SPATA21: variants seen among roughly 807,000 people sequenced by gnomAD.
SPATA21 encodes spermatogenesis associated 21.
In SPATA21, 47 loss-of-function variants were observed where a neutral mutation model predicts 54.8. The observed-to-expected ratio is 0.86, with a 90% confidence interval of 0.68 to 1.09. The LOEUF (loss-of-function observed/expected upper bound fraction) is 1.09, where lower values mean the gene tolerates loss of function less well. SPATA21 is among the 50% of genes least tolerant of loss of function. The pLI, the probability that SPATA21 is intolerant of heterozygous loss-of-function variation, is 0.00. For synonymous variants in SPATA21, 245 were observed against 235.3 expected, an observed-to-expected ratio of 1.04 and a Z score of -0.38; for missense variants, 599 against 596.4, an observed-to-expected ratio of 1.00 and a Z score of -0.05.
chr1:16,409,786 GA>G lies in SPATA21; in HGVS notation c.401del (p.Val134AlafsTer57). The G allele has an allele frequency of 2.5e-6, 4 of 1,602,860 alleles. No homozygotes were observed. Among genetic ancestry groups the G allele is most frequent in the Non-Finnish European group, 3.4e-6 (4 of 1,174,964 alleles). On this transcript the variant is annotated frameshift_variant, in exon 6 of 13. Transcript: ENST00000335496. LOFTEE classifies it high-confidence loss of function. This position sits in a 1 kb window ranked among gnomAD's most constrained non-coding sequence, Gnocchi z 4.1. ...APSLPQTPAS[V>X]PASGPSWARL... is the part of the protein sequence containing the mutation. ...GGGCCCACGATGGGCCGCTGGCAGG[GA>G]CCGAGGCAGGGGTCTGAGGCAGGCT... is the stretch of plus-strand genomic sequence containing the variant.
chr1:16,424,666 A>C (rs2086273249), intron 3 of SPATA21, among the ~76,000 whole-genome samples: 5 of 151,882 alleles, frequency 3.3e-5, no homozygotes, highest in Admixed American at 3.3e-4. Context: ...CTCCCACCTC[A>C]GCCTCCCAAA....
chr1:16,422,258 C>T, intron 3 of SPATA21: 1 of 1,365,444 alleles, frequency 7.3e-7, no homozygotes, highest in Non-Finnish European at 9.5e-7. Context: ...AACCTCAATG[C>T]TCCAGGCGAA....
intron 5 of SPATA21, among the ~76,000 whole-genome samples, chr1:16,420,316 T>G: frequency 6.7e-6 from 1 of 149,304 alleles, no homozygotes; most frequent in African/African-American, 2.5e-5. Flanking sequence ...GCGGAGGAGG[T>G]GAGGGGGACA....
intron 2 of SPATA21, among the ~76,000 whole-genome samples, chr1:16,431,743 C>T (rs548863637): frequency 1.1e-4 from 16 of 152,286 alleles, no homozygotes; most frequent in East Asian, 7.7e-4. Flanking sequence ...CTTTCCCCGA[C>T]GGCGACATTT....
At chr1:16,412,120 C>A (rs1485382242) in intron 5 of SPATA21, among the ~76,000 whole-genome samples, 1 of 152,160 alleles carries the variant, frequency 6.6e-6, no homozygotes, top group Non-Finnish European at 1.5e-5. Context: ...GCTGGCTCCC[C>A]CTCACTTGTG....
At chr1:16,408,600 C>G (rs865789005) in intron 7 of SPATA21, 2 of 896,168 alleles carry the variant, frequency 2.2e-6, no homozygotes, top group East Asian at 2.4e-4. Context: ...AGGCTGGGCG[C>G]GGTGGCTCAC....
At chr1:16,413,044 AG>A (rs2085898813) in intron 5 of SPATA21, among the ~76,000 whole-genome samples, 1 of 151,922 alleles carries the variant, frequency 6.6e-6, no homozygotes, top group Non-Finnish European at 1.5e-5. Flanking sequence ...GGCCTCCCAA[AG>A]TGCTGGGATT....
chr1:16,409,800 T>A lies in SPATA21; in HGVS notation c.388A>T (p.Thr130Ser), dbSNP rs1468309396. The change falls in exon 6 of 13, where the codon ACC (threonine) becomes TCC (serine). Residue 130 changes from threonine to serine, a missense_variant. Transcript: ENST00000335496. This position sits in a 1 kb window ranked among gnomAD's most constrained non-coding sequence, Gnocchi z 4.1. ...CCGCTGGCAGGGACCGAGGCAGGGG[T>A]CTGAGGCAGGCTTGGAGCTGAGGTG... Reference protein sequence around the residue: ...VPTSAPSLPQTPASVPASGPS... With the variant: ...VPTSAPSLPQSPASVPASGPS... The A allele has an allele frequency of 1.3e-6, 2 of 1,599,760 alleles. No individual in the cohort carries two copies. The highest frequency in any genetic ancestry group is 1.7e-6 in the Non-Finnish European group (2 of 1,173,388).
chr1:16,404,034 C>T lies in SPATA21; in HGVS notation c.817G>A (p.Gly273Ser), dbSNP rs1309794565. The T allele has an allele frequency of 6.4e-7, 1 of 1,554,332 alleles. No homozygotes were observed. The highest frequency in any genetic ancestry group is 2.0e-5 in the Admixed American group (1 of 51,110). The change falls in exon 9 of 13, where the codon GGT (glycine) becomes AGT (serine). Residue 273 changes from glycine (G) to serine (S), a missense_variant. By Grantham distance (56) the Gly-to-Ser change is moderately conservative (BLOSUM62 0). Coordinates refer to ENST00000335496, the MANE Select transcript of SPATA21 (RefSeq NM_198546.1). ...ALMSADVNGD[G>S]RVDFKDFLAV... ...AAGAAGTCTTTGAAGTCCACACGACCATCTCCTGTGGAGGCCAGAGGAGTA... is the reference window on the plus strand; with the variant it reads ...AAGAAGTCTTTGAAGTCCACACGACTATCTCCTGTGGAGGCCAGAGGAGTA...
At chr1:16,403,484 T>TTTTTC (rs1491167064) in intron 10 of SPATA21, among the ~76,000 whole-genome samples, 68 of 113,834 alleles carry the variant, frequency 6.0e-4, no homozygotes, top group African/African-American at 1.8e-3. Flanking sequence ...AGTTTTTTTC[T>TTTTTC]TTTTTTTCTT....
chr1:16,409,874 G>A lies in SPATA21; in HGVS notation c.314C>T (p.Ala105Val). Residue 105 changes from alanine to valine, a missense_variant, in exon 6 of 13, where the codon GCC (alanine) becomes GTC (valine). Physicochemically the swap from Ala to Val is moderately conservative, Grantham distance 64. Coordinates refer to ENST00000335496, the MANE Select transcript of SPATA21 (RefSeq NM_198546.1). This position sits in a 1 kb window ranked among gnomAD's most constrained non-coding sequence, Gnocchi z 4.1. Reference protein sequence around the residue: ...MEASHRRASKARSQTAQKSPR... With the variant: ...MEASHRRASKVRSQTAQKSPR... ...CGACTTCTGGGCTGTCTGGGACCGGGCCTTCGAGGCTCTCCGATGGGAGGC... is the reference window on the plus strand; with the variant it reads ...CGACTTCTGGGCTGTCTGGGACCGGACCTTCGAGGCTCTCCGATGGGAGGC... The A allele has an allele frequency of 6.2e-7, 1 of 1,611,816 alleles. No individual in the cohort carries two copies. The highest frequency in any genetic ancestry group is 2.2e-5 in the East Asian group (1 of 44,868).
chr1:16,399,343 C>A lies in SPATA21; in HGVS notation c.1352+1G>T. ...CTGGGACCCTTTCTCTGGGCACCCA[C>A]CTGTTTCCTTGAGATCCTGACTGGA... On this transcript the variant is annotated splice_donor_variant, in intron 12 of 12. Coordinates refer to ENST00000335496, the MANE Select transcript of SPATA21 (RefSeq NM_198546.1). LOFTEE classifies it high-confidence loss of function. 1.2e-6 allele frequency: 2 copies of A among 1,609,028 alleles called. No individual in the cohort carries two copies. The highest frequency in any genetic ancestry group is 1.7e-6 in the Non-Finnish European group (2 of 1,177,088).
intron 1 of SPATA21, among the ~76,000 whole-genome samples, chr1:16,434,735 G>A (rs1482825399): frequency 6.6e-6 from 1 of 152,062 alleles, no homozygotes; most frequent in East Asian, 1.9e-4. Flanking sequence ...TCTATTTTTA[G>A]CTTTTGAGTA....
chr1:16,409,091 G>GGACCTCCCT lies in SPATA21; in HGVS notation c.673+18_673+26dup. ...AGGACCAAGGGTCCTGCCTGTGCTG[G>GGACCTCCCT]GACCTCCCTGACCTCCCTGCCCTCA... On this transcript the variant is annotated intron_variant, in intron 7 of 12. Transcript: ENST00000335496. The surrounding 1 kb of genome is among the most constrained non-coding windows in gnomAD (Gnocchi z 4.1). 1 of 1,612,922 alleles carries GGACCTCCCT rather than the reference G, an allele frequency of 6.2e-7. No individual in the cohort carries two copies. The highest frequency in any genetic ancestry group is 8.5e-7 in the Non-Finnish European group (1 of 1,178,966).
Position 16,421,454 on chromosome 1 carries a change from C to T in SPATA21, c.144+55G>A. ...TTCTGCCCTCTTCCTCCTCCTGATC[C>T]CCCCTGCCTTTCTCCTACACAGCTC... On this transcript the variant is annotated intron_variant, in intron 5 of 12. Coordinates refer to ENST00000335496, the MANE Select transcript of SPATA21 (RefSeq NM_198546.1). This position sits in a 1 kb window ranked among gnomAD's most constrained non-coding sequence, Gnocchi z 5.2. 1 of 1,524,148 alleles carries T rather than the reference C, an allele frequency of 6.6e-7. No homozygotes were observed. The highest frequency in any genetic ancestry group is 1.2e-5 in the South Asian group (1 of 82,424). 94.4% of individuals were successfully genotyped at this position (1,524,148 alleles called of 1,614,324 possible).
rs1022353342 is a variant in SPATA21 at position 16,433,544 on chromosome 1, C to T, written c.-186-620G>A. On this transcript the variant is annotated intron_variant, in intron 1 of 12. Coordinates refer to ENST00000335496, the MANE Select transcript of SPATA21 (RefSeq NM_198546.1). The stretch of plus-strand genomic sequence containing the variant: ...CACCTAGGGAAAATCTCCCCCTACG[C>T]CCCTCAAACACACCCCCTATTGTCC... 2.0e-4 allele frequency among the ~76,000 whole-genome samples: 30 copies of T among 152,222 alleles called. 1 individual carries two copies. The highest frequency in any genetic ancestry group is 1.6e-3 in the Admixed American group (24 of 15,280).
In SPATA21 at chr1:16,409,666, C is replaced by G. The variant is rs746180168; in HGVS notation, c.522G>C (p.Leu174=). The G allele has an allele frequency of 5.0e-6, 8 of 1,613,396 alleles. No individual in the cohort carries two copies. Among genetic ancestry groups the G allele is most frequent in the Non-Finnish European group, 6.8e-6 (8 of 1,179,986 alleles). ...CPVLLGPALD[L]GWRRMELLHQ... ...GCAAGAGTTCCATCCTTCTCCAGCC[C>G]AGGTCCAGGGCAGGGCCCAGCAGGA... The change falls in exon 6 of 13, where the codon CTG becomes CTC. Residue 174 remains leucine (L), a synonymous_variant. Coordinates refer to ENST00000335496, the MANE Select transcript of SPATA21 (RefSeq NM_198546.1). This position sits in a 1 kb window ranked among gnomAD's most constrained non-coding sequence, Gnocchi z 4.1.
At chr1:16,403,705 C>T in intron 10 of SPATA21, 22 bp downstream of exon 10, 1 of 1,602,968 alleles carries the variant, frequency 6.2e-7, no homozygotes. Context: ...ACCCTTCACC[C>T]CCAACAACCG....
At chr1:16,399,792 A>G (rs1267574854) in intron 11 of SPATA21, among the ~76,000 whole-genome samples, 2 of 152,216 alleles carry the variant, frequency 1.3e-5, no homozygotes, top group Non-Finnish European at 2.9e-5. Flanking sequence ...CAAGGAGCAG[A>G]GGACTTTGTG....
Sources: gnomAD v4.1 joint callset for allele counts (sites outside exome capture counted in the v4.1 genomes callset) on GRCh38, gnomAD v4.1.1 for gene constraint, Gnocchi (gnomAD v3.1) non-coding constraint, MANE v1.5 for transcripts, NCBI Gene and HGNC (gene_info 2026-07-23, HGNC 2026-07-21) for gene names.